Variants in UBAP2L observed in about 807,000 individuals in gnomAD.
The protein encoded by UBAP2L is ubiquitin associated protein 2 like.
UBAP2L carries 12 observed loss-of-function variants against 130.6 expected under a neutral mutation model. The ratio of observed to expected loss-of-function variants is 0.09; its 90% CI spans 0.06 to 0.15. The LOEUF is 0.15. UBAP2L is among the 10% of genes least tolerant of loss of function. UBAP2L has a pLI of 1.00. For synonymous variants in UBAP2L, 503 were observed against 524.7 expected, an observed-to-expected ratio of 0.96 and a Z score of 0.57; for missense variants, 965 against 1,332.5, an observed-to-expected ratio of 0.72 and a Z score of 4.29.
In UBAP2L at chr1:154,222,132, A is replaced by G. The variant is rs150368934; in HGVS notation, c.-41+1157A>G. On this transcript the variant is annotated intron_variant, in intron 1 of 26. Transcript: ENST00000428931. ...ACGTTTTTGCCTTTGACTCTCCCTG[A>G]TTATTAAATGGAGAAATCCTTTTTT... Among the ~76,000 whole-genome samples, 591 of 152,200 alleles carry G rather than the reference A, an allele frequency of 3.9e-3. 6 individuals are homozygous for G. Among genetic ancestry groups the G allele is most frequent in the Non-Finnish European group, 3.4e-3 (230 of 68,000 alleles).
At chr1:154,264,973 G>GA (rs369144158) in intron 24 of UBAP2L, among the ~76,000 whole-genome samples, 2 of 152,074 alleles carry the variant, frequency 1.3e-5, no homozygotes, top group East Asian at 3.9e-4. Flanking sequence ...AAAGGGAATG[G>GA]AAAAAATACC....
chr1:154,262,534 C>G (rs1358647812), intron 24 of UBAP2L, among the ~76,000 whole-genome samples: 1 of 152,114 alleles, frequency 6.6e-6, no homozygotes, highest in Non-Finnish European at 1.5e-5. Flanking sequence ...GGTTGTCCTT[C>G]AAAGCTGTCA....
intron 10 of UBAP2L, among the ~76,000 whole-genome samples, chr1:154,245,461 T>C (rs1479893100): frequency 3.3e-5 from 5 of 152,168 alleles, no homozygotes; most frequent in African/African-American, 9.7e-5. Flanking sequence ...GGAAAAAATA[T>C]CTCTCAGACT....
rs566233925 is a variant in UBAP2L at position 154,241,622 on chromosome 1, G to A, written c.756+57G>A. ...CCTTCTATCCCTAAGTGTTGTTTAG[G>A]GATAGAAAATGGGTATGTTTCTACC... On this transcript the variant is annotated intron_variant, in intron 9 of 26. Coordinates refer to ENST00000428931, the MANE Select transcript of UBAP2L (RefSeq NM_014847.4). 2.5e-6 allele frequency: 4 copies of A among 1,604,478 alleles called. No homozygotes were observed. The South Asian group carries it at 4.4e-5, about 18-fold the overall frequency.
chr1:154,252,300 T>A (rs927065877), intron 14 of UBAP2L, among the ~76,000 whole-genome samples: 7 of 137,290 alleles, frequency 5.1e-5, no homozygotes, highest in East Asian at 2.2e-4. Flanking sequence ...TTTTTTTTTT[T>A]AGATGGAGTT....
chr1:154,260,823 T>C (rs1236622676), intron 22 of UBAP2L, 69 bp from the exon 23 acceptor site: 1 of 1,444,264 alleles, frequency 6.9e-7, no homozygotes, highest in East Asian at 2.3e-5. Context: ...TCATGTGAAA[T>C]CAGAAGAGGT....
chr1:154,253,910 T>A lies in UBAP2L; in HGVS notation c.1675T>A (p.Ser559Thr), dbSNP rs769766327. 6 of 1,614,114 alleles carry A rather than the reference T, an allele frequency of 3.7e-6. No individual in the cohort carries two copies. The South Asian group carries it at 6.6e-5, about 18-fold the overall frequency. ...CTTCGTTACTCACAGTGAATCATCC[T>A]CTACAATTTCATCTAACCAGAGTCA... is the stretch of plus-strand genomic sequence containing the variant. ...LYTSTASESS[S>T]TISSNQSQES... The change falls in exon 15 of 27, where the codon TCT becomes ACT. Residue 559 changes from serine to threonine, a missense_variant. Coordinates refer to ENST00000428931, the MANE Select transcript of UBAP2L (RefSeq NM_014847.4).
chr1:154,253,799 T>G, intron 14 of UBAP2L, 101 bp from the exon 15 acceptor site: 2 of 1,237,340 alleles, frequency 1.6e-6, no homozygotes, highest in Non-Finnish European at 2.2e-6. Context: ...TCTTCTTGAT[T>G]CAAATCAAGT....
intron 24 of UBAP2L, among the ~76,000 whole-genome samples, 155 bp downstream of exon 24, chr1:154,261,852 G>C (rs1286604206): frequency 6.6e-6 from 1 of 152,172 alleles, no homozygotes; most frequent in Non-Finnish European, 1.5e-5. Context: ...GGGTATCTGT[G>C]GGAGCAGCAC....
intron 8 of UBAP2L, among the ~76,000 whole-genome samples, chr1:154,241,086 G>GT: frequency 6.6e-6 from 1 of 151,028 alleles, no homozygotes; most frequent in East Asian, 1.9e-4. Flanking sequence ...TTTTTGTTTT[G>GT]TTTTTTGTTT....
chr1:154,235,358 A>ATT (rs370836882), intron 6 of UBAP2L, 67 bp downstream of exon 6: 99 of 557,282 alleles, frequency 1.8e-4, no homozygotes, highest in Admixed American at 2.4e-4. Context: ...GGTCTGCTTT[A>ATT]TTTTTTTTTT....
rs1315549977 is a variant in UBAP2L at position 154,270,396 on chromosome 1, C to G, written c.*101C>G. 6.5e-7 allele frequency: 1 copy of G among 1,550,000 alleles called. No individual in the cohort carries two copies. The stretch of plus-strand genomic sequence containing the variant: ...GAGAAAGGAATGTGGGGGGTTTCCG[C>G]TGCCCCCCACCCCCAGCGGCCCACC... On this transcript the variant is annotated 3_prime_UTR_variant, in exon 27 of 27. Transcript: ENST00000428931.
Position 154,268,843 on chromosome 1 carries a change from C to A in UBAP2L, c.3057C>A (p.Ile1019=). 1 of 1,614,180 alleles carries A rather than the reference C, an allele frequency of 6.2e-7. No homozygotes were observed. The highest frequency in any genetic ancestry group is 1.3e-5 in the African/African-American group (1 of 75,032). ...CAGCCCTAGGAAGTGGGGGCCCCAT[C>A]AATCCGGCCACAGCTGCTGCCTACC... The part of the protein sequence containing the change: ...LPSALGSGGP[I]NPATAAAYPP... The change falls in exon 26 of 27, where the codon ATC becomes ATA. Residue 1019 remains isoleucine, a synonymous_variant. Coordinates refer to ENST00000428931, the MANE Select transcript of UBAP2L (RefSeq NM_014847.4).
At chr1:154,266,340 T>C (rs1683219628) in intron 24 of UBAP2L, 161 bp from the exon 25 acceptor site, 5 of 721,974 alleles carry the variant, frequency 6.9e-6, no homozygotes, top group African/African-American at 1.8e-5. Context: ...AGCTTTTGTT[T>C]CATGAACTCT....
intron 25 of UBAP2L, among the ~76,000 whole-genome samples, chr1:154,267,151 GT>G (rs36051247): frequency 0.034 from 3,739 of 108,604 alleles, 63 homozygotes; most frequent in African/African-American, 0.11. Context: ...TATCCAACGA[GT>G]TTTTTTTTTT....
At chr1:154,248,350 A>T (rs1294852105) in intron 11 of UBAP2L, among the ~76,000 whole-genome samples, 1 of 152,200 alleles carries the variant, frequency 6.6e-6, no homozygotes, top group African/African-American at 2.4e-5. Flanking sequence ...CTAGTGCAGA[A>T]GTTGGGATGC....
At chr1:154,261,829 G>A (rs1347377473) in intron 24 of UBAP2L, 132 bp downstream of exon 24, 4 of 856,520 alleles carry the variant, frequency 4.7e-6, no homozygotes, top group Admixed American at 2.5e-5. Context: ...GATTGTTAAT[G>A]CTTGGCTGAC....
chr1:154,255,436 C>T (rs962823525), intron 17 of UBAP2L, 110 bp downstream of exon 17: 134 of 1,395,934 alleles, frequency 9.6e-5, no homozygotes, highest in African/African-American at 2.0e-4. Context: ...CTGCTTTTGT[C>T]GTAAGTGGGT....
In UBAP2L at chr1:154,257,100, C is replaced by T. The variant is rs1162029656; in HGVS notation, c.2195C>T (p.Ser732Phe). Residue 732 changes from serine (S) to phenylalanine (F), a missense_variant, in exon 19 of 27, where the codon TCC (serine) becomes TTC (phenylalanine). Physicochemically the swap from Ser to Phe is radical, Grantham distance 155 (BLOSUM62 -2). Coordinates refer to ENST00000428931, the MANE Select transcript of UBAP2L (RefSeq NM_014847.4). ...GAGAGTGAGGCGAATCTCCATTCTT[C>T]CTCCAGCACTTTTTCCACCACATCC... ...SVESEANLHS[S>F]SSTFSTTSST... 1 of 1,614,088 alleles carries T rather than the reference C, an allele frequency of 6.2e-7. No homozygotes were observed. Among genetic ancestry groups the T allele is most frequent in the Non-Finnish European group, 8.5e-7 (1 of 1,180,024 alleles).
Sources: gnomAD v4.1 joint callset for allele counts (sites outside exome capture counted in the v4.1 genomes callset) on GRCh38, gnomAD v4.1.1 for gene constraint, MANE v1.5 for transcripts, NCBI Gene and HGNC (gene_info 2026-07-23, HGNC 2026-07-21) for gene names.